CSMD3: variants seen among roughly 807,000 people sequenced by gnomAD.
CSMD3 encodes the protein CUB and sushi domain-containing protein 3.
In CSMD3, 177 loss-of-function variants were observed where a neutral mutation model predicts 435.2. The observed-to-expected ratio is 0.41, with a 90% confidence interval of 0.36 to 0.46. CSMD3 has a LOEUF of 0.46. CSMD3 is among the 20% of genes least tolerant of loss of function. The pLI is 0.34. For missense variants in CSMD3, 4,265 were observed against 4,504.6 expected, an observed-to-expected ratio of 0.95 and a Z score of 1.52; for synonymous variants, 1,656 against 1,520.5, an observed-to-expected ratio of 1.09 and a Z score of -2.07.
intron 5 of CSMD3, among the ~76,000 whole-genome samples, chr8:113,030,077 T>C (rs2087028275): frequency 6.6e-6 from 1 of 151,050 alleles, no homozygotes; most frequent in Admixed American, 6.6e-5. Context: ...ACCAAGGAAT[T>C]GAAAGACCTC....
At chr8:112,952,154 GA>G (rs879901429) in intron 8 of CSMD3, among the ~76,000 whole-genome samples, 5,416 of 141,134 alleles carry the variant, frequency 0.038, 107 homozygotes, top group Admixed American at 0.044. Context: ...TATAAAAGCT[GA>G]AAAAAAAAAA....
chr8:113,244,862 C>T (rs1345031739), intron 3 of CSMD3, among the ~76,000 whole-genome samples: 2 of 151,896 alleles, frequency 1.3e-5, no homozygotes, highest in Non-Finnish European at 2.9e-5. Context: ...CATATTTTGC[C>T]TTGTTGTTCT....
chr8:112,347,956 C>G (rs1437289005), intron 40 of CSMD3, among the ~76,000 whole-genome samples: 9 of 152,198 alleles, frequency 5.9e-5, no homozygotes, highest in Admixed American at 2.6e-4. Flanking sequence ...AATTCTGTTA[C>G]TTTCTATCTC....
intron 1 of CSMD3, among the ~76,000 whole-genome samples, chr8:113,423,538 T>C (rs959224469): frequency 7.9e-5 from 12 of 151,962 alleles, no homozygotes; most frequent in South Asian, 4.1e-4. Context: ...CAGAGATATA[T>C]TGTTTATGGT....
In CSMD3 at chr8:113,099,545, T is replaced by A. The variant is rs552855883; in HGVS notation, c.710-582A>T. ...TACAGAGAAATAATAGGGTAACTAA[T>A]ATAACTTTAGAAATATATTCATATG... On this transcript the variant is annotated intron_variant, in intron 4 of 70. Transcript: ENST00000297405. 9.2e-5 allele frequency among the ~76,000 whole-genome samples: 14 copies of A among 152,268 alleles called. No individual in the cohort carries two copies. In the South Asian group the frequency reaches 2.7e-3, roughly 29 times the overall value.
chr8:112,332,625 T>C (rs889965987), intron 45 of CSMD3, among the ~76,000 whole-genome samples: 11 of 152,204 alleles, frequency 7.2e-5, no homozygotes, highest in Non-Finnish European at 4.4e-5. Flanking sequence ...ACATGAACTC[T>C]GGCTATGCTC....
chr8:113,057,689 G>A (rs1038271991), intron 5 of CSMD3, among the ~76,000 whole-genome samples: 4 of 151,678 alleles, frequency 2.6e-5, no homozygotes, highest in South Asian at 4.2e-4. Context: ...ATTTACATAC[G>A]ACAAGAACCA....
chr8:113,268,232 C>T (rs2093488508), intron 3 of CSMD3, among the ~76,000 whole-genome samples: 1 of 151,818 alleles, frequency 6.6e-6, no homozygotes, highest in South Asian at 2.1e-4. Context: ...GCACTCCCCA[C>T]CCTTTGTTCC....
At chr8:113,086,164 G>C (rs1043455883) in intron 5 of CSMD3, among the ~76,000 whole-genome samples, 4 of 151,750 alleles carry the variant, frequency 2.6e-5, no homozygotes, top group Non-Finnish European at 5.9e-5. Flanking sequence ...CAGGAGAATG[G>C]AGTGTACCTG....
At chr8:113,150,626 TATG>T (rs928246103) in intron 4 of CSMD3, among the ~76,000 whole-genome samples, 3 of 152,138 alleles carry the variant, frequency 2.0e-5, no homozygotes, top group African/African-American at 7.2e-5. Context: ...CTTAAGCTGC[TATG>T]TTTGTAGCAT....
chr8:112,812,781 A>G (rs2079263330), intron 12 of CSMD3, among the ~76,000 whole-genome samples: 1 of 152,180 alleles, frequency 6.6e-6, no homozygotes. Flanking sequence ...GAGTAACTTC[A>G]GTGTTCATAG....
intron 1 of CSMD3, among the ~76,000 whole-genome samples, chr8:113,327,821 T>G (rs1295896442): frequency 6.6e-6 from 1 of 151,626 alleles, no homozygotes; most frequent in Middle Eastern, 3.4e-3. Flanking sequence ...TGCCTGAAGC[T>G]TCTGTGTAAA....
At chr8:113,369,423 GA>G (rs984587243) in intron 1 of CSMD3, among the ~76,000 whole-genome samples, 3 of 151,434 alleles carry the variant, frequency 2.0e-5, no homozygotes, top group African/African-American at 7.3e-5. Flanking sequence ...GTAAGGATGT[GA>G]AAAAAAAGGA....
intron 1 of CSMD3, among the ~76,000 whole-genome samples, chr8:113,388,739 T>G (rs1371977015): frequency 6.6e-6 from 1 of 151,664 alleles, no homozygotes; most frequent in Non-Finnish European, 1.5e-5. Flanking sequence ...CAGCATACAT[T>G]CCTTTAAGAA....
chr8:112,408,853 C>G lies in CSMD3; in HGVS notation c.5509+66G>C, dbSNP rs1000019063. On this transcript the variant is annotated intron_variant, in intron 33 of 70. Transcript: ENST00000297405. Reference sequence around the variant, plus strand: ...TTGATGATATAAATCTCAACTTTCACTACAATACTAATCAAAGTCAGTCTT... The same window carrying G: ...TTGATGATATAAATCTCAACTTTCAGTACAATACTAATCAAAGTCAGTCTT... 4 of 1,610,958 alleles carry G rather than the reference C, an allele frequency of 2.5e-6. No homozygotes were observed. In the African/African-American group the frequency reaches 5.3e-5, roughly 22 times the overall value.
At chr8:112,834,340 C>A (rs769716568) in intron 11 of CSMD3, among the ~76,000 whole-genome samples, 32 of 151,632 alleles carry the variant, frequency 2.1e-4, no homozygotes, top group Middle Eastern at 6.5e-3. Flanking sequence ...TAGTTTGATT[C>A]ATTTATGCTT....
At chr8:113,378,048 T>C (rs2094396975) in intron 1 of CSMD3, among the ~76,000 whole-genome samples, 2 of 152,158 alleles carry the variant, frequency 1.3e-5, no homozygotes, top group Non-Finnish European at 2.9e-5. Context: ...GCTCTTTAAA[T>C]AGATTTTTCT....
At chr8:112,762,275 T>C (rs1462928317) in intron 13 of CSMD3, among the ~76,000 whole-genome samples, 5 of 151,984 alleles carry the variant, frequency 3.3e-5, no homozygotes, top group Admixed American at 3.3e-4. Flanking sequence ...TTTACCCATA[T>C]TGGGAAAATT....
intron 5 of CSMD3, among the ~76,000 whole-genome samples, chr8:113,049,209 A>T (rs1054667289): frequency 2.0e-5 from 3 of 152,186 alleles, no homozygotes; most frequent in Non-Finnish European, 4.4e-5. Flanking sequence ...ACTGCACTCC[A>T]GCCTAGGTGA....
Sources: allele counts gnomAD v4.1 joint callset (sites outside exome capture counted in the v4.1 genomes callset), GRCh38; gene constraint gnomAD v4.1.1; transcripts MANE v1.5; gene names NCBI Gene and HGNC (gene_info 2026-07-23, HGNC 2026-07-21).